Variants in TXLNB observed in about 807,000 individuals in gnomAD.
The protein encoded by TXLNB is taxilin beta, also known as beta-taxilin.
A neutral mutation model predicts 57.4 loss-of-function variants in TXLNB; 37 were observed. The ratio of observed to expected loss-of-function variants is 0.64; its 90% CI spans 0.50 to 0.85. TXLNB has a LOEUF of 0.85. Ranked by LOEUF, TXLNB falls within the 40% of genes least tolerant of loss-of-function variation. The pLI is 0.00. For missense variants in TXLNB, 848 were observed against 825.6 expected, an observed-to-expected ratio of 1.03 and a Z score of -0.33; for synonymous variants, 302 against 309.6, an observed-to-expected ratio of 0.98 and a Z score of 0.26.
chr6:139,227,153 A>G, the TXLNB span, among the ~76,000 whole-genome samples: 1 of 152,154 alleles, frequency 6.6e-6, no homozygotes, highest in Non-Finnish European at 1.5e-5. Flanking sequence ...AGCCTGACCA[A>G]CATGGCAAAA....
the TXLNB span, among the ~76,000 whole-genome samples, chr6:139,167,577 G>A: frequency 1.3e-5 from 2 of 152,178 alleles, no homozygotes; most frequent in South Asian, 4.1e-4. Context: ...GATTGCCGGT[G>A]TATGGTTTTG....
Position 139,270,636 on chromosome 6 carries a change from T to C in TXLNB, c.517-10A>G, listed in dbSNP as rs1419867703. 1.9e-6 allele frequency: 3 copies of C among 1,612,846 alleles called. No individual in the cohort carries two copies. Among genetic ancestry groups the C allele is most frequent in the Non-Finnish European group, 2.5e-6 (3 of 1,179,470 alleles). ...TACGATGTTCATCCAGCTGTACACA[T>C]GGAGATACAAACATGAAAGAAAATG... On this transcript the variant is annotated splice_polypyrimidine_tract_variant and intron_variant, in intron 3 of 9. Transcript: ENST00000358430.
the TXLNB span, among the ~76,000 whole-genome samples, chr6:139,210,835 TC>T: frequency 6.6e-6 from 1 of 152,210 alleles, no homozygotes. Flanking sequence ...GGAGATTATA[TC>T]CCGCGCCTAG....
chr6:139,192,225 A>G, the TXLNB span, among the ~76,000 whole-genome samples: 1 of 152,218 alleles, frequency 6.6e-6, no homozygotes, highest in Non-Finnish European at 1.5e-5. Context: ...TCTTGCAGAC[A>G]TACTTGTCTG....
intron 4 of TXLNB, among the ~76,000 whole-genome samples, chr6:139,263,598 A>G (rs1215817084): frequency 1.3e-5 from 2 of 152,160 alleles, no homozygotes; most frequent in Non-Finnish European, 2.9e-5. Flanking sequence ...TTTTCTCCTA[A>G]ATCAAAACTC....
In TXLNB at chr6:139,242,068, ATG is replaced by A. The variant is rs1451002671; in HGVS notation, c.*456_*457del. On this transcript the variant is annotated 3_prime_UTR_variant, in exon 10 of 10. Coordinates refer to ENST00000358430, the MANE Select transcript of TXLNB (RefSeq NM_153235.4). ...ATATACATATAATAAGTACACACGT[ATG>A]TATATATTATGTATATGTATAGTTT... is the stretch of plus-strand genomic sequence containing the variant. 2 of 152,682 alleles carry A rather than the reference ATG, an allele frequency of 1.3e-5. No homozygotes were observed. The highest frequency in any genetic ancestry group is 2.9e-5 in the Non-Finnish European group (2 of 68,396). 9.5% of individuals were successfully genotyped at this position (152,682 alleles called of 1,614,324 possible).
chr6:139,289,296 C>G (rs1376115206), intron 1 of TXLNB, among the ~76,000 whole-genome samples: 1 of 151,790 alleles, frequency 6.6e-6, no homozygotes, highest in Non-Finnish European at 1.5e-5. Context: ...TTGTTTCGAT[C>G]TAATTACCGG....
At chr6:139,317,799 G>A in the TXLNB span, among the ~76,000 whole-genome samples, 1 of 152,128 alleles carries the variant, frequency 6.6e-6, no homozygotes, top group Non-Finnish European at 1.5e-5. Context: ...GAAAGTTATA[G>A]TTGAGAAATA....
At chr6:139,225,443 A>C in the TXLNB span, among the ~76,000 whole-genome samples, 2 of 152,212 alleles carry the variant, frequency 1.3e-5, no homozygotes, top group Admixed American at 1.3e-4. Context: ...ATCTGCAAAT[A>C]GCCTATTGTA....
the TXLNB span, among the ~76,000 whole-genome samples, chr6:139,210,650 A>G: frequency 6.6e-6 from 1 of 152,376 alleles, no homozygotes; most frequent in East Asian, 1.9e-4. Flanking sequence ...CAGTGGGTGC[A>G]GTGCACCGTG....
the TXLNB span, among the ~76,000 whole-genome samples, chr6:139,215,388 T>A: frequency 0.012 from 1,836 of 152,342 alleles, 28 homozygotes; most frequent in African/African-American, 0.041. Flanking sequence ...GGATTCCCTA[T>A]TTAATAAATG....
At chr6:139,261,454 C>T (rs1471437085) in intron 5 of TXLNB, among the ~76,000 whole-genome samples, 1 of 151,942 alleles carries the variant, frequency 6.6e-6, no homozygotes, top group Non-Finnish European at 1.5e-5. Context: ...ACCAACAGAG[C>T]CGCTTTGACT....
chr6:139,200,998 A>G, the TXLNB span, among the ~76,000 whole-genome samples: 3 of 151,940 alleles, frequency 2.0e-5, no homozygotes, highest in African/African-American at 7.3e-5. Context: ...TTCCTCCCCT[A>G]TTCTTCCTGG....
At chr6:139,194,621 C>T in the TXLNB span, among the ~76,000 whole-genome samples, 3 of 152,196 alleles carry the variant, frequency 2.0e-5, no homozygotes, top group Non-Finnish European at 1.5e-5. Flanking sequence ...CTGCTTGATA[C>T]GAGTCATTGT....
chr6:139,165,490 G>A, the TXLNB span, among the ~76,000 whole-genome samples: 1 of 151,770 alleles, frequency 6.6e-6, no homozygotes, highest in Admixed American at 6.6e-5. Flanking sequence ...GTATAATGAC[G>A]TGTATCTGCC....
rs550317840 is a variant in TXLNB at position 139,258,913 on chromosome 6, G to A, written c.1002+1405C>T. Among the ~76,000 whole-genome samples, 3 of 152,278 alleles carry A rather than the reference G, an allele frequency of 2.0e-5. No individual in the cohort carries two copies. In the East Asian group the frequency reaches 5.8e-4, roughly 29 times the overall value. Reference sequence around the variant, plus strand: ...TCTTGGAGCCTCAATTCTCTCATCTGTAGAATGACCCTACAGCTTTTTGGG... The same window carrying A: ...TCTTGGAGCCTCAATTCTCTCATCTATAGAATGACCCTACAGCTTTTTGGG... On this transcript the variant is annotated intron_variant, in intron 6 of 9. Coordinates refer to ENST00000358430, the MANE Select transcript of TXLNB (RefSeq NM_153235.4).
At chr6:139,202,803 T>C in the TXLNB span, among the ~76,000 whole-genome samples, 1 of 152,232 alleles carries the variant, frequency 6.6e-6, no homozygotes, top group Admixed American at 6.5e-5. Context: ...CTAGAATTTA[T>C]TCCTTCTATC....
At chr6:139,297,763 C>G in the TXLNB span, among the ~76,000 whole-genome samples, 4 of 152,044 alleles carry the variant, frequency 2.6e-5, no homozygotes, top group African/African-American at 9.7e-5. Context: ...TTAAATAAAG[C>G]CTGTGAATGG....
At chr6:139,272,257 T>C (rs1179347989) in intron 3 of TXLNB, among the ~76,000 whole-genome samples, 3 of 152,022 alleles carry the variant, frequency 2.0e-5, no homozygotes, top group Non-Finnish European at 4.4e-5. Flanking sequence ...CAGTGAGTCA[T>C]GATTGTGCCA....
Sources: gnomAD v4.1 joint callset for allele counts (sites outside exome capture counted in the v4.1 genomes callset) on GRCh38, gnomAD v4.1.1 for gene constraint, MANE v1.5 for transcripts, NCBI Gene and HGNC (gene_info 2026-07-23, HGNC 2026-07-21) for gene names.